The following PCBD1 variants were observed in gnomAD, a reference collection of about 807,000 sequenced individuals.
PCBD1 encodes pterin-4-alpha-carbinolamine dehydratase.
A neutral mutation model predicts 12.6 loss-of-function variants in PCBD1; 16 were observed. The observed-to-expected ratio is 1.27, with a 90% CI of 0.86 to 1.93. PCBD1 has a LOEUF of 1.93. Among genes scored for constraint, PCBD1 ranks in the 30% most tolerant of loss-of-function variants. The pLI, the probability that PCBD1 is intolerant of heterozygous loss-of-function variation, is 0.00. For missense variants in PCBD1, 86 were observed against 130.1 expected, an observed-to-expected ratio of 0.66 and a Z score of 1.65; for synonymous variants, 53 against 50.2, an observed-to-expected ratio of 1.05 and a Z score of -0.23.
chr10:70,885,984 C>T (rs945217021), intron 1 of PCBD1, 55 bp from the exon 2 acceptor site: 1 of 1,600,778 alleles, frequency 6.2e-7, no homozygotes, highest in East Asian at 2.2e-5. Context: ...TAGGTCAAAA[C>T]AGAGGGGCTC....
At chr10:70,887,688 CAG>C (rs916859765) in intron 1 of PCBD1, among the ~76,000 whole-genome samples, 4 of 152,306 alleles carry the variant, frequency 2.6e-5, no homozygotes, top group African/African-American at 7.2e-5. Context: ...GCTCTGGAGA[CAG>C]AGAGGGGGAC....
downstream of PCBD1, among the ~76,000 whole-genome samples, chr10:70,882,881 T>C (rs1293885582): frequency 6.6e-6 from 1 of 152,238 alleles, no homozygotes; most frequent in Non-Finnish European, 1.5e-5. Context: ...GATTTTGGAA[T>C]ATTTGCATTA....
At chr10:70,886,200 T>C (rs1283640408) in intron 1 of PCBD1, among the ~76,000 whole-genome samples, 1 of 152,020 alleles carries the variant, frequency 6.6e-6, no homozygotes, top group Non-Finnish European at 1.5e-5. Flanking sequence ...GCAATGTAAT[T>C]CATATGACGG....
chr10:70,883,139 C>T (rs1170858847), downstream of PCBD1, among the ~76,000 whole-genome samples: 2 of 152,172 alleles, frequency 1.3e-5, no homozygotes, highest in Admixed American at 1.3e-4. Context: ...GCCATCTCTG[C>T]CTCCCAAGAA....
chr10:70,887,287 C>T (rs929270405), intron 1 of PCBD1, among the ~76,000 whole-genome samples: 5 of 152,178 alleles, frequency 3.3e-5, no homozygotes, highest in African/African-American at 1.2e-4. Flanking sequence ...GCTGAAGCAT[C>T]GCAGTGCTTT....
At chr10:70,887,136 T>C (rs894894704) in intron 1 of PCBD1, among the ~76,000 whole-genome samples, 8 of 151,880 alleles carry the variant, frequency 5.3e-5, no homozygotes, top group Admixed American at 3.9e-4. Flanking sequence ...TGGCAGAACC[T>C]CCACCTCCAC....
chr10:70,888,046 G>A (rs975681765), intron 1 of PCBD1: 1 of 152,802 alleles, frequency 6.5e-6, no homozygotes, highest in Non-Finnish European at 1.5e-5. Context: ...TCTGGGGCCA[G>A]CATACCGGCG....
chr10:70,885,332 C>T (rs1173747119), intron 2 of PCBD1, 100 bp from the exon 3 acceptor site: 1 of 815,516 alleles, frequency 1.2e-6, no homozygotes, highest in Non-Finnish European at 2.1e-6. Flanking sequence ...ATTAGCTTCC[C>T]CCCAGGAGAC....
downstream of PCBD1, among the ~76,000 whole-genome samples, chr10:70,883,109 G>A (rs1405010284): frequency 6.6e-6 from 1 of 152,092 alleles, no homozygotes; most frequent in Non-Finnish European, 1.5e-5. Context: ...ACCCTTATCT[G>A]TGTTCATGGT....
intron 1 of PCBD1, among the ~76,000 whole-genome samples, chr10:70,886,203 T>C (rs1846580331): frequency 6.6e-6 from 1 of 152,116 alleles, no homozygotes; most frequent in Non-Finnish European, 1.5e-5. Context: ...ATGTAATTCA[T>C]ATGACGGGGA....
intron 2 of PCBD1, 55 bp from the exon 3 acceptor site, chr10:70,885,287 C>T: frequency 7.3e-7 from 1 of 1,361,136 alleles, no homozygotes; most frequent in Non-Finnish European, 1.1e-6. Flanking sequence ...GACTTCTGGA[C>T]ATCACCAATT....
chr10:70,882,380 CAT>C (rs1472260735), downstream of PCBD1: 1 of 152,190 alleles, frequency 6.6e-6, no homozygotes, highest in Non-Finnish European at 1.5e-5. Context: ...GGAATTGGCT[CAT>C]GTGATTATGG....
At chr10:70,882,722 A>G (rs1016164082), downstream of PCBD1, among the ~76,000 whole-genome samples, 1 of 152,220 alleles carries the variant, frequency 6.6e-6, no homozygotes, top group African/African-American at 2.4e-5. Flanking sequence ...ACACCCTCAC[A>G]GACACACCCG....
Position 70,883,856 on chromosome 10 carries a change from A to C in PCBD1, c.*94T>G. 6.5e-7 allele frequency: 1 copy of C among 1,546,134 alleles called. No individual in the cohort carries two copies. ...GGCGGCGGCTGGGTCTTGGGAGGGGAGTGGTGGGAGGGTAAGGGCTCCTCA... is the reference window on the plus strand; with the variant it reads ...GGCGGCGGCTGGGTCTTGGGAGGGGCGTGGTGGGAGGGTAAGGGCTCCTCA... On this transcript the variant is annotated 3_prime_UTR_variant, in exon 4 of 4. Coordinates refer to ENST00000299299, the MANE Select transcript of PCBD1 (RefSeq NM_000281.4).
At chr10:70,888,437 G>C (rs1157973329) in intron 1 of PCBD1, 94 bp downstream of exon 1, 5 of 1,399,614 alleles carry the variant, frequency 3.6e-6, no homozygotes, top group Non-Finnish European at 4.7e-6. Context: ...CAGGGGACTC[G>C]AAAAGACTTT....
Position 70,883,833 on chromosome 10 carries a change from C to T in PCBD1, c.*117G>A, listed in dbSNP as rs1028868213. The stretch of plus-strand genomic sequence containing the variant: ...ACAGCAAGGACTCAGCCCTCAACGG[C>T]GGCGGCTGGGTCTTGGGAGGGGAGT... On this transcript the variant is annotated 3_prime_UTR_variant, in exon 4 of 4. Transcript: ENST00000299299. 16 of 1,537,416 alleles carry T rather than the reference C, an allele frequency of 1.0e-5. No homozygotes were observed. Among genetic ancestry groups the T allele is most frequent in the South Asian group, 3.6e-5 (3 of 83,394 alleles).
intron 1 of PCBD1, among the ~76,000 whole-genome samples, chr10:70,886,406 C>T (rs1846584831): frequency 1.3e-5 from 2 of 152,214 alleles, no homozygotes; most frequent in African/African-American, 4.8e-5. Context: ...ATATGCACCC[C>T]ACGTCCCTAC....
Position 70,885,784 on chromosome 10 carries a change from C to T in PCBD1, c.135+14G>A. On this transcript the variant is annotated intron_variant, in intron 2 of 3. Coordinates refer to ENST00000299299, the MANE Select transcript of PCBD1 (RefSeq NM_000281.4). ...GCCCGTCTCAGAAAACTCTGTCCCA[C>T]CCTGGTGCCATACCCTGTTGAAGTC... is the stretch of plus-strand genomic sequence containing the variant. 6.2e-7 allele frequency: 1 copy of T among 1,613,914 alleles called. No homozygotes were observed. Among genetic ancestry groups the T allele is most frequent in the Non-Finnish European group, 8.5e-7 (1 of 1,179,932 alleles).
downstream of PCBD1, among the ~76,000 whole-genome samples, chr10:70,883,098 C>T (rs961645218): frequency 1.3e-5 from 2 of 152,170 alleles, no homozygotes; most frequent in African/African-American, 4.8e-5. Context: ...GTGCCCTTCA[C>T]ACCCTTATCT....
Sources: allele counts gnomAD v4.1 joint callset (sites outside exome capture counted in the v4.1 genomes callset), GRCh38; gene constraint gnomAD v4.1.1; transcripts MANE v1.5; gene names NCBI Gene and HGNC (gene_info 2026-07-23, HGNC 2026-07-21).